NT5C3A: variants seen among roughly 807,000 people sequenced by gnomAD.
The protein encoded by NT5C3A is cytosolic 5'-nucleotidase 3A.
In NT5C3A, 23 loss-of-function variants were observed where a neutral mutation model predicts 40.0. The ratio of observed to expected loss-of-function variants is 0.58; its 90% CI spans 0.41 to 0.81. The LOEUF (loss-of-function observed/expected upper bound fraction) is 0.81, where lower values mean the gene tolerates loss of function less well. NT5C3A is among the 40% of genes least tolerant of loss of function. NT5C3A has a pLI of 0.00. For synonymous variants in NT5C3A, 130 were observed against 141.4 expected (o/e 0.92, Z 0.57); for missense variants, 328 against 403.0 (o/e 0.81, Z 1.59).
rs145347024 is a variant in NT5C3A, at chr7:33,024,807, G to A, written c.238-699C>T. 1.8e-3 allele frequency among the ~76,000 whole-genome samples: 274 copies of A among 152,138 alleles called. 1 individual carries two copies. The highest frequency in any genetic ancestry group is 5.6e-3 in the African/African-American group (233 of 41,494). On this transcript the variant is annotated intron_variant, in intron 2 of 8. Coordinates refer to ENST00000610140, the MANE Select transcript of NT5C3A (RefSeq NM_001002010.5). ...TACATTTGAAAATATCACATGTACCGCATATATATATACAGTTATTATGTA... is the reference window on the plus strand; with the variant it reads ...TACATTTGAAAATATCACATGTACCACATATATATATACAGTTATTATGTA...
At chr7:33,050,189 A>C (rs1390306026) in intron 1 of NT5C3A, among the ~76,000 whole-genome samples, 2 of 152,150 alleles carry the variant, frequency 1.3e-5, no homozygotes, top group African/African-American at 2.4e-5. Flanking sequence ...AAATGCGTAG[A>C]GTATACTTGG....
At chr7:33,037,381 T>C (rs1786665235) in intron 1 of NT5C3A, among the ~76,000 whole-genome samples, 1 of 152,226 alleles carries the variant, frequency 6.6e-6, no homozygotes, top group Non-Finnish European at 1.5e-5. Flanking sequence ...CCATAATGAC[T>C]TTACTTTTAC....
intron 1 of NT5C3A, among the ~76,000 whole-genome samples, chr7:33,043,013 C>T (rs78863530): frequency 4.6e-5 from 7 of 152,160 alleles, no homozygotes; most frequent in African/African-American, 9.7e-5. Flanking sequence ...CCTCTAAGCA[C>T]TTGACATTCC....
At chr7:33,056,193 A>G (rs1787559751) in intron 1 of NT5C3A, among the ~76,000 whole-genome samples, 2 of 152,164 alleles carry the variant, frequency 1.3e-5, no homozygotes, top group African/African-American at 2.4e-5. Context: ...GACACTGTAT[A>G]AATTGCTAAA....
At chr7:33,032,337 G>A (rs1786313766) in intron 1 of NT5C3A, among the ~76,000 whole-genome samples, 1 of 144,578 alleles carries the variant, frequency 6.9e-6, no homozygotes, top group African/African-American at 2.6e-5. Flanking sequence ...CAAGAGAATT[G>A]CTTGAACCCA....
chr7:33,059,160 G>A (rs1329645228), intron 1 of NT5C3A, among the ~76,000 whole-genome samples: 1 of 152,184 alleles, frequency 6.6e-6, no homozygotes, highest in Non-Finnish European at 1.5e-5. Flanking sequence ...TGGCCATTGA[G>A]AGGCTAGACA....
intron 1 of NT5C3A, among the ~76,000 whole-genome samples, chr7:33,027,867 C>T (rs1786032223): frequency 6.6e-6 from 1 of 152,134 alleles, no homozygotes; most frequent in Non-Finnish European, 1.5e-5. Flanking sequence ...ATAGTTTTAG[C>T]TCATCCTCAT....
At position 33,032,423 on chromosome 7, in the gene NT5C3A, C is replaced by CAAAAAA. The variant is rs34501041; in HGVS notation, c.139-5514_139-5509dup. Among the ~76,000 whole-genome samples, 575 of 94,772 alleles carry CAAAAAA rather than the reference C, an allele frequency of 6.1e-3. 11 individuals are homozygous for CAAAAAA. The East Asian group carries it at 0.093, about 15-fold the overall frequency. 62.2% of individuals were successfully genotyped at this position (94,772 alleles called of 152,430 possible). A position where few individuals can be genotyped will look rare whatever the true frequency, so the allele number is the denominator to read the frequency against. ...GGGTGACAGAGTGAGACTCGGTCTC[C>CAAAAAA]AAAAAAAAAAAAAAAAAAATTTACT... On this transcript the variant is annotated intron_variant, in intron 1 of 8. Transcript: ENST00000610140.
At chr7:33,014,871 C>T in intron 8 of NT5C3A, 40 bp from the exon 9 acceptor site, 1 of 1,516,002 alleles carries the variant, frequency 6.6e-7, no homozygotes, top group Non-Finnish European at 9.1e-7. Flanking sequence ...ACATGCAGGG[C>T]AAAGAAACAA....
At chr7:33,039,555 G>GTGTTTTTT (rs1786797530) in intron 1 of NT5C3A, among the ~76,000 whole-genome samples, 1 of 70,016 alleles carries the variant, frequency 1.4e-5, no homozygotes. Context: ...TTAAGCTTGG[G>GTGTTTTTT]TTTTTTGTTT....
At chr7:33,023,931 T>A (rs1264994991) in intron 3 of NT5C3A, 108 bp downstream of exon 3, 3 of 724,846 alleles carry the variant, frequency 4.1e-6, no homozygotes, top group Non-Finnish European at 7.5e-6. Flanking sequence ...TCACTGTCAA[T>A]GTCCAAGAAG....
intron 2 of NT5C3A, among the ~76,000 whole-genome samples, chr7:33,025,297 T>C (rs899668423): frequency 1.3e-5 from 2 of 152,206 alleles, no homozygotes; most frequent in Admixed American, 6.5e-5. Context: ...GTGGAAGCAA[T>C]TCAACTATAT....
chr7:33,038,922 C>G, intron 1 of NT5C3A: 2 of 456,036 alleles, frequency 4.4e-6, no homozygotes, highest in Non-Finnish European at 8.8e-6. Context: ...TGCCCTTGAT[C>G]TACGAACTCT....
chr7:33,029,341 G>A lies in NT5C3A; in HGVS notation c.139-2426C>T, dbSNP rs7788623. On this transcript the variant is annotated intron_variant, in intron 1 of 8. Transcript: ENST00000610140. ...CACTCTTGCTAAATGCTAGGGATAT[G>A]ATGATGAGTAGTATTTACTCTGCTT... 3.8e-3 allele frequency: 998 copies of A among 260,176 alleles called. 11 individuals are homozygous for A. Among genetic ancestry groups the A allele is most frequent in the African/African-American group, 0.021 (939 of 44,206 alleles). The allele number at this position is 260,176 out of a possible 1,614,324, so 16.1% of individuals were successfully genotyped here. A position where few individuals can be genotyped will look rare whatever the true frequency, so the allele number is the denominator to read the frequency against.
At chr7:33,049,536 GAATAAA>G (rs1313289210) in intron 1 of NT5C3A, among the ~76,000 whole-genome samples, 2 of 151,964 alleles carry the variant, frequency 1.3e-5, no homozygotes, top group Non-Finnish European at 2.9e-5. Flanking sequence ...AAGAATTACA[GAATAAA>G]AATTATGGAA....
chr7:33,018,167 C>A (rs1288438445), intron 6 of NT5C3A, among the ~76,000 whole-genome samples: 4 of 152,142 alleles, frequency 2.6e-5, no homozygotes, highest in African/African-American at 7.2e-5. Flanking sequence ...TATTGACCAA[C>A]AACAAATACA....
intron 1 of NT5C3A, among the ~76,000 whole-genome samples, chr7:33,031,159 G>C (rs1381599076): frequency 6.6e-6 from 1 of 151,906 alleles, no homozygotes; most frequent in Non-Finnish European, 1.5e-5. Context: ...AAATTTCTGG[G>C]TGTGGCTTGG....
chr7:33,038,085 T>A (rs1331740997), intron 1 of NT5C3A, among the ~76,000 whole-genome samples: 1 of 152,162 alleles, frequency 6.6e-6, no homozygotes, highest in Non-Finnish European at 1.5e-5. Context: ...TTTTCTTTGA[T>A]GTTTAATATG....
At chr7:33,016,199 A>G (rs1208999093) in intron 7 of NT5C3A, among the ~76,000 whole-genome samples, 1 of 151,620 alleles carries the variant, frequency 6.6e-6, no homozygotes, top group Admixed American at 6.6e-5. Context: ...AATATGGTGC[A>G]ACCCCGCCTC....
Sources: gnomAD v4.1 joint callset for allele counts (sites outside exome capture counted in the v4.1 genomes callset) on GRCh38, gnomAD v4.1.1 for gene constraint, MANE v1.5 for transcripts, NCBI Gene and HGNC (gene_info 2026-07-23, HGNC 2026-07-21) for gene names.